The following FAM168A variants were observed in gnomAD, a reference collection of about 807,000 sequenced individuals.
FAM168A encodes the protein protein FAM168A.
A neutral mutation model predicts 28.5 loss-of-function variants in FAM168A; 3 were observed. That is an observed-to-expected ratio of 0.11 (90% CI 0.05 to 0.27). The LOEUF is 0.27. Among genes scored for constraint, FAM168A ranks in the 10% least tolerant of loss-of-function variants. The pLI, the probability that FAM168A is intolerant of heterozygous loss-of-function variation, is 1.00. For synonymous variants in FAM168A, 122 were observed against 124.2 expected (o/e 0.98, Z 0.12); for missense variants, 222 against 311.5 (o/e 0.71, Z 2.16).
At position 73,403,677 on chromosome 11, in the gene FAM168A, C is replaced by T. The variant is rs1014582489; in HGVS notation, c.*3086G>A. On this transcript the variant is annotated 3_prime_UTR_variant, in exon 8 of 8. Coordinates refer to ENST00000356467, the MANE Select transcript of FAM168A (RefSeq NM_015159.3). Reference sequence around the variant, plus strand: ...TTACCAGTAACTGTGCCCATCCTACCAGAGGCACATGACTGTCCCCGCTCT... The same window carrying T: ...TTACCAGTAACTGTGCCCATCCTACTAGAGGCACATGACTGTCCCCGCTCT... 6.6e-6 allele frequency: 1 copy of T among 152,186 alleles called. No homozygotes were observed. Among genetic ancestry groups the T allele is most frequent in the African/African-American group, 2.4e-5 (1 of 41,438 alleles). The allele number at this position is 152,186 out of a possible 1,614,324, so 9.4% of individuals were successfully genotyped here. A position where few individuals can be genotyped will look rare whatever the true frequency, so the allele number is the denominator to read the frequency against.
intron 2 of FAM168A, among the ~76,000 whole-genome samples, chr11:73,450,446 G>A (rs1867406137): frequency 6.6e-6 from 1 of 152,142 alleles, no homozygotes; most frequent in African/African-American, 2.4e-5. Context: ...CCAAGAATTA[G>A]CATTTCTAGT....
chr11:73,586,607 T>C (rs749589041), intron 1 of FAM168A, among the ~76,000 whole-genome samples: 10 of 152,294 alleles, frequency 6.6e-5, no homozygotes, highest in Admixed American at 2.0e-4. Context: ...AACTGGAAGA[T>C]AAAATAATGT....
At chr11:73,467,180 C>A (rs1465936316) in intron 2 of FAM168A, among the ~76,000 whole-genome samples, 1 of 151,820 alleles carries the variant, frequency 6.6e-6, no homozygotes, top group Admixed American at 6.6e-5. Flanking sequence ...TCATAATATT[C>A]CTTGGTGATT....
chr11:73,411,838 C>T (rs1866617430), intron 4 of FAM168A, among the ~76,000 whole-genome samples: 2 of 152,254 alleles, frequency 1.3e-5, no homozygotes, highest in South Asian at 4.1e-4. Flanking sequence ...CTCTGACAGC[C>T]TGGGATTTGG....
At chr11:73,596,043 C>T (rs1944436649) in intron 1 of FAM168A, among the ~76,000 whole-genome samples, 1 of 152,172 alleles carries the variant, frequency 6.6e-6, no homozygotes, top group South Asian at 2.1e-4. Flanking sequence ...AATGATGGGC[C>T]TAATTGCCTT....
In FAM168A at chr11:73,403,798, A is replaced by T. The variant is rs1449024271; in HGVS notation, c.*2965T>A. ...GCTGAGGCCGGCTGAACTGGGGCTCATACTGAAAAAGGGGTGCTGGACCTG... is the reference window on the plus strand; with the variant it reads ...GCTGAGGCCGGCTGAACTGGGGCTCTTACTGAAAAAGGGGTGCTGGACCTG... On this transcript the variant is annotated 3_prime_UTR_variant, in exon 8 of 8. Transcript: ENST00000356467. 6.6e-6 allele frequency: 1 copy of T among 152,232 alleles called. No homozygotes were observed. The highest frequency in any genetic ancestry group is 1.5e-5 in the Non-Finnish European group (1 of 68,058). 9.4% of individuals were successfully genotyped at this position (152,232 alleles called of 1,614,324 possible).
intron 1 of FAM168A, among the ~76,000 whole-genome samples, chr11:73,553,516 G>A (rs1454216780): frequency 6.6e-6 from 1 of 152,178 alleles, no homozygotes; most frequent in Non-Finnish European, 1.5e-5. Flanking sequence ...AGGACACTGA[G>A]AGGATCAAAT....
intron 4 of FAM168A, among the ~76,000 whole-genome samples, chr11:73,414,350 C>T (rs1866664693): frequency 6.6e-6 from 1 of 152,154 alleles, no homozygotes. Context: ...ATATTTGGCC[C>T]TTTACAGGAA....
At chr11:73,476,984 A>G (rs1867897122) in intron 1 of FAM168A, among the ~76,000 whole-genome samples, 1 of 152,172 alleles carries the variant, frequency 6.6e-6, no homozygotes, top group Non-Finnish European at 1.5e-5. Flanking sequence ...GAAAGAGGAG[A>G]GAAAGAAAAT....
Position 73,508,620 on chromosome 11 carries a change from G to C in FAM168A, c.-18-40128C>G, listed in dbSNP as rs187708825. Among the ~76,000 whole-genome samples, 31 of 152,056 alleles carry C rather than the reference G, an allele frequency of 2.0e-4. No individual in the cohort carries two copies. In the East Asian group the frequency reaches 5.4e-3, roughly 27 times the overall value. ...TGGGTAGGGGTGTGTGGGTGTTTAG[G>C]GGTGTGTGCATATGTGGGTGTGTTT... On this transcript the variant is annotated intron_variant, in intron 1 of 7. Transcript: ENST00000356467.
At chr11:73,473,830 T>G (rs1028704932) in intron 1 of FAM168A, among the ~76,000 whole-genome samples, 1 of 152,084 alleles carries the variant, frequency 6.6e-6, no homozygotes, top group Non-Finnish European at 1.5e-5. Context: ...TTTTTTTTTT[T>G]TGAGATGGAG....
At chr11:73,418,039 C>G (rs1407873617) in intron 4 of FAM168A, among the ~76,000 whole-genome samples, 1 of 152,052 alleles carries the variant, frequency 6.6e-6, no homozygotes, top group Non-Finnish European at 1.5e-5. Flanking sequence ...ACTTAGTAGA[C>G]TGAGTGTAAT....
At chr11:73,502,063 T>C (rs1183408953) in intron 1 of FAM168A, among the ~76,000 whole-genome samples, 2 of 142,736 alleles carry the variant, frequency 1.4e-5, no homozygotes, top group African/African-American at 2.7e-5. Flanking sequence ...ATTGCACCAC[T>C]GCACTCCAGC....
At chr11:73,531,159 C>G (rs1380586108) in intron 1 of FAM168A, among the ~76,000 whole-genome samples, 1 of 152,142 alleles carries the variant, frequency 6.6e-6, no homozygotes, top group Non-Finnish European at 1.5e-5. Flanking sequence ...TAGAGAGTCT[C>G]ATTTCACTAC....
chr11:73,450,791 C>G (rs1867413524), intron 2 of FAM168A, among the ~76,000 whole-genome samples: 1 of 152,116 alleles, frequency 6.6e-6, no homozygotes, highest in Non-Finnish European at 1.5e-5. Context: ...CAAGGCAAAG[C>G]TGTCTCTTAA....
At chr11:73,576,664 T>C (rs1944180226) in intron 1 of FAM168A, among the ~76,000 whole-genome samples, 1 of 152,166 alleles carries the variant, frequency 6.6e-6, no homozygotes, top group African/African-American at 2.4e-5. Context: ...TCAAAGATCC[T>C]GACAACTTTA....
intron 1 of FAM168A, among the ~76,000 whole-genome samples, chr11:73,499,122 C>CA (rs1331022045): frequency 3.9e-5 from 6 of 152,144 alleles, no homozygotes; most frequent in African/African-American, 1.4e-4. Context: ...TGGTGCCCCT[C>CA]AAGGTCAGAG....
intron 1 of FAM168A, among the ~76,000 whole-genome samples, chr11:73,476,720 A>G (rs1303902490): frequency 6.6e-6 from 1 of 152,204 alleles, no homozygotes; most frequent in Non-Finnish European, 1.5e-5. Flanking sequence ...GAATTAAAGT[A>G]TGATAATAAC....
chr11:73,427,912 G>A (rs1288388187), intron 3 of FAM168A, among the ~76,000 whole-genome samples: 3 of 152,038 alleles, frequency 2.0e-5, no homozygotes, highest in African/African-American at 7.2e-5. Flanking sequence ...GTTATCTTTT[G>A]GTAGTTTCCA....
Sources: gnomAD v4.1 joint callset for allele counts (sites outside exome capture counted in the v4.1 genomes callset) on GRCh38, gnomAD v4.1.1 for gene constraint, MANE v1.5 for transcripts, NCBI Gene and HGNC (gene_info 2026-07-23, HGNC 2026-07-21) for gene names.